The following PUS7 variants were observed in gnomAD, a reference collection of about 807,000 sequenced individuals.
PUS7 encodes the protein pseudouridylate synthase 7 homolog.
PUS7 carries 48 observed loss-of-function variants against 79.8 expected under a neutral mutation model. That is an observed-to-expected ratio of 0.60 (90% CI 0.48 to 0.76). The LOEUF (loss-of-function observed/expected upper bound fraction) is 0.76. PUS7 is among the 30% of genes least tolerant of loss of function. PUS7 has a pLI of 0.00. For missense variants in PUS7, 729 were observed against 797.6 expected (o/e 0.91, Z 1.04); for synonymous variants, 286 against 272.2 (o/e 1.05, Z -0.50).
At chr7:105,503,544 T>C (rs1342529402) in intron 4 of PUS7, among the ~76,000 whole-genome samples, 1 of 152,226 alleles carries the variant, frequency 6.6e-6, no homozygotes, top group East Asian at 1.9e-4. Context: ...AATGTGTGTG[T>C]ATATACCTCA....
chr7:105,508,864 A>G (rs1201580122), intron 1 of PUS7, among the ~76,000 whole-genome samples: 4 of 90,056 alleles, frequency 4.4e-5, no homozygotes, highest in Non-Finnish European at 8.4e-5. Flanking sequence ...AGAGTGAGAC[A>G]TTGTCTTAAA....
At chr7:105,513,477 G>A (rs1825774350) in intron 1 of PUS7, among the ~76,000 whole-genome samples, 1 of 152,184 alleles carries the variant, frequency 6.6e-6, no homozygotes. Flanking sequence ...TGATGACTTG[G>A]CCAAAGGTCT....
intron 5 of PUS7, chr7:105,496,869 G>T: frequency 1.1e-6 from 1 of 905,298 alleles, no homozygotes; most frequent in Non-Finnish European, 1.4e-6. Flanking sequence ...CTCACTATCA[G>T]TTAAGCAAAG....
At chr7:105,461,716 A>G (rs1025100893) in intron 14 of PUS7, among the ~76,000 whole-genome samples, 1 of 152,206 alleles carries the variant, frequency 6.6e-6, no homozygotes, top group South Asian at 2.1e-4. Context: ...CACCGTGTAA[A>G]CATCACAGAA....
In PUS7 at chr7:105,495,178, G is replaced by A; in HGVS notation, c.806C>T (p.Thr269Ile). 1.2e-6 allele frequency: 2 copies of A among 1,611,802 alleles called. No homozygotes were observed. Among genetic ancestry groups the A allele is most frequent in the Non-Finnish European group, 1.7e-6 (2 of 1,178,564 alleles). ...HFVLYKENKD[T>I]MDAINVLSKY... ...GGAGAGTACATTAATAGCATCCATG[G>A]TGTCTTTGTTTTCCTTATATAGTAC... The change falls in exon 6 of 16, where the codon ACC becomes ATC. Residue 269 changes from threonine (T) to isoleucine (I), a missense_variant. Coordinates refer to ENST00000469408, the MANE Select transcript of PUS7 (RefSeq NM_019042.5).
chr7:105,470,680 G>A lies in PUS7; in HGVS notation c.1398+8C>T, dbSNP rs1269561987. The A allele has an allele frequency of 6.4e-7, 1 of 1,555,362 alleles. No homozygotes were observed. Among genetic ancestry groups the A allele is most frequent in the Admixed American group, 1.9e-5 (1 of 51,418 alleles). ...GAGCCATTGCCTGACTTCACAAATT[G>A]CACTCACTATGCCAAATGCAGAGAC... On this transcript the variant is annotated splice_region_variant and intron_variant, in intron 11 of 15. Coordinates refer to ENST00000469408, the MANE Select transcript of PUS7 (RefSeq NM_019042.5).
chr7:105,487,444 G>A lies in PUS7; in HGVS notation c.920+4096C>T, dbSNP rs116283554. Among the ~76,000 whole-genome samples the A allele has an allele frequency of 9.5e-3, 1,447 of 152,090 alleles. 16 individuals carry two copies. The highest frequency in any genetic ancestry group is 0.034 in the African/African-American group (1,397 of 41,486). ...TTTTGTTTCATTCTTTTTTGTGGCC[G>A]AATAGTAGTATCAATTCTTGAATAT... On this transcript the variant is annotated intron_variant, in intron 7 of 15. Transcript: ENST00000469408.
intron 7 of PUS7, among the ~76,000 whole-genome samples, chr7:105,483,310 ACAC>A (rs1824407037): frequency 1.3e-5 from 2 of 151,964 alleles, no homozygotes; most frequent in African/African-American, 4.8e-5. Flanking sequence ...TTACAGGCGC[ACAC>A]CACCATGCCC....
At chr7:105,459,490 T>C (rs1563348923) in intron 14 of PUS7, among the ~76,000 whole-genome samples, 1 of 151,310 alleles carries the variant, frequency 6.6e-6, no homozygotes, top group Non-Finnish European at 1.5e-5. Flanking sequence ...TAGGCTGGAG[T>C]GCAGTGGTGT....
rs1200295004 is a variant in PUS7, at chr7:105,482,536, T to C, written c.921-96A>G. The C allele has an allele frequency of 2.3e-6, 3 of 1,306,252 alleles. No individual in the cohort carries two copies. The African/African-American group carries it at 4.5e-5, about 20-fold the overall frequency. 80.9% of individuals were successfully genotyped at this position (1,306,252 alleles called of 1,614,324 possible). A position where few individuals can be genotyped will look rare whatever the true frequency, so the allele number is the denominator to read the frequency against. Reference sequence around the variant, plus strand: ...GCTTGGAACAGTACAGAAAACAAGATACAGCACACCTATGACCCCCTGAAA... The same window carrying C: ...GCTTGGAACAGTACAGAAAACAAGACACAGCACACCTATGACCCCCTGAAA... On this transcript the variant is annotated intron_variant, in intron 7 of 15. Transcript: ENST00000469408.
intron 9 of PUS7, among the ~76,000 whole-genome samples, chr7:105,472,920 C>CT (rs758552553): frequency 0.046 from 5,317 of 116,360 alleles, 181 homozygotes; most frequent in East Asian, 0.11. Context: ...TGCCCAGCTA[C>CT]TTTTTTTTTT....
At chr7:105,468,290 A>T (rs1390639902) in intron 12 of PUS7, 47 bp downstream of exon 12, 6 of 1,591,664 alleles carry the variant, frequency 3.8e-6, no homozygotes, top group Non-Finnish European at 5.1e-6. Flanking sequence ...AGTGGCAACT[A>T]ACTGAACCCT....
chr7:105,493,722 C>T (rs1023645401), intron 6 of PUS7, among the ~76,000 whole-genome samples: 6 of 152,040 alleles, frequency 3.9e-5, no homozygotes, highest in African/African-American at 7.2e-5. Flanking sequence ...CAGGGGTGTG[C>T]GTGCACAGGG....
At chr7:105,493,521 G>T (rs1170734344) in intron 6 of PUS7, among the ~76,000 whole-genome samples, 1 of 152,208 alleles carries the variant, frequency 6.6e-6, no homozygotes, top group Non-Finnish European at 1.5e-5. Flanking sequence ...TGTGTATTAT[G>T]GGCTGAACTG....
intron 7 of PUS7, among the ~76,000 whole-genome samples, chr7:105,486,597 C>G (rs1824559760): frequency 6.6e-6 from 1 of 152,044 alleles, no homozygotes; most frequent in Non-Finnish European, 1.5e-5. Flanking sequence ...GAACGGGGGA[C>G]AAAACTCCTC....
intron 4 of PUS7, 42 bp downstream of exon 4, chr7:105,505,913 T>C: frequency 6.6e-7 from 1 of 1,510,908 alleles, no homozygotes; most frequent in Non-Finnish European, 9.1e-7. Context: ...AAAAAGCAAC[T>C]AAAACCCTAA....
At chr7:105,505,650 C>A (rs1314078125) in intron 4 of PUS7, among the ~76,000 whole-genome samples, 1 of 152,134 alleles carries the variant, frequency 6.6e-6, no homozygotes, top group Admixed American at 6.6e-5. Flanking sequence ...TCTCCAATTC[C>A]TGGGCTCAAG....
intron 6 of PUS7, 47 bp from the exon 7 acceptor site, chr7:105,491,664 T>A: frequency 9.3e-7 from 1 of 1,071,896 alleles, no homozygotes; most frequent in Middle Eastern, 2.1e-4. Flanking sequence ...ACTGTAATAT[T>A]ATAAGGAAAT....
chr7:105,488,409 AAG>A (rs1213634643), intron 7 of PUS7, among the ~76,000 whole-genome samples: 7 of 152,196 alleles, frequency 4.6e-5, no homozygotes, highest in East Asian at 1.9e-4. Flanking sequence ...ATTAAAAAAA[AAG>A]AGAGAGAGAA....
Sources: gnomAD v4.1 joint callset for allele counts (sites outside exome capture counted in the v4.1 genomes callset) on GRCh38, gnomAD v4.1.1 for gene constraint, MANE v1.5 for transcripts, NCBI Gene and HGNC (gene_info 2026-07-23, HGNC 2026-07-21) for gene names.